The following ALK variants were observed in gnomAD, a reference collection of about 807,000 sequenced individuals.
ALK encodes ALK receptor tyrosine kinase.
ALK carries 74 observed loss-of-function variants against 163.1 expected under a neutral mutation model. The observed-to-expected ratio is 0.45, with a 90% CI of 0.38 to 0.55. The LOEUF is 0.55. ALK is among the 20% of genes least tolerant of loss of function. The pLI is 0.00. For synonymous variants in ALK, 960 were observed against 843.2 expected (o/e 1.14, Z -2.40); for missense variants, 2,063 against 2,105.3 (o/e 0.98, Z 0.39).
At chr2:29,392,932 T>C (rs1320828805) in intron 4 of ALK, among the ~76,000 whole-genome samples, 1 of 152,144 alleles carries the variant, frequency 6.6e-6, no homozygotes, top group Non-Finnish European at 1.5e-5. Context: ...AGGTTCAATG[T>C]TCAAGGTTAC....
intron 26 of ALK, among the ~76,000 whole-genome samples, chr2:29,202,492 CAGAA>C (rs1016687691): frequency 3.3e-5 from 5 of 152,222 alleles, no homozygotes; most frequent in Non-Finnish European, 7.3e-5. Flanking sequence ...GACTTAGAGA[CAGAA>C]AGACCCCACC....
intron 8 of ALK, among the ~76,000 whole-genome samples, chr2:29,313,954 A>G (rs1034073359): frequency 1.2e-4 from 18 of 152,170 alleles, no homozygotes; most frequent in African/African-American, 3.6e-4. Context: ...CAGCAGTCAG[A>G]AAAGTTCCTC....
intron 4 of ALK, among the ~76,000 whole-genome samples, chr2:29,451,565 T>C (rs1486377163): frequency 2.6e-5 from 4 of 152,170 alleles, no homozygotes; most frequent in African/African-American, 9.7e-5. Context: ...CAAACTTCCA[T>C]TGGACATAAC....
intron 9 of ALK, among the ~76,000 whole-genome samples, chr2:29,296,651 G>A (rs989211806): frequency 3.3e-5 from 5 of 152,178 alleles, no homozygotes; most frequent in African/African-American, 9.7e-5. Flanking sequence ...CAGTGGTCCC[G>A]AGACAAGTGT....
chr2:29,307,179 C>A (rs995398426), intron 8 of ALK, among the ~76,000 whole-genome samples: 1 of 152,204 alleles, frequency 6.6e-6, no homozygotes, highest in Non-Finnish European at 1.5e-5. Context: ...CCCTTCAACC[C>A]ACAGAAAATA....
intron 3 of ALK, among the ~76,000 whole-genome samples, chr2:29,690,695 A>G (rs1372496317): frequency 1.3e-5 from 2 of 152,144 alleles, no homozygotes; most frequent in Non-Finnish European, 2.9e-5. Context: ...TCTGAATTGT[A>G]TCTTCCTTAT....
intron 9 of ALK, among the ~76,000 whole-genome samples, chr2:29,287,125 T>C (rs1286112292): frequency 6.6e-6 from 1 of 152,222 alleles, no homozygotes; most frequent in Admixed American, 6.5e-5. Context: ...CCTTGAACGC[T>C]TCTTGTGTGC....
At chr2:29,900,723 T>C (rs1432375849) in intron 1 of ALK, among the ~76,000 whole-genome samples, 1 of 152,158 alleles carries the variant, frequency 6.6e-6, no homozygotes, top group Non-Finnish European at 1.5e-5. Context: ...CTGTGAGAGA[T>C]GAAGGACTTG....
intron 3 of ALK, among the ~76,000 whole-genome samples, chr2:29,574,423 CTTTTGA>C (rs2148192802): frequency 6.6e-6 from 1 of 152,350 alleles, no homozygotes; most frequent in South Asian, 2.1e-4. Context: ...GTGTTCTCTG[CTTTTGA>C]TTTTAAGCCC....
At chr2:29,616,352 C>T (rs1397233688) in intron 3 of ALK, among the ~76,000 whole-genome samples, 1 of 152,126 alleles carries the variant, frequency 6.6e-6, no homozygotes, top group Non-Finnish European at 1.5e-5. Context: ...GGCAGAGCCA[C>T]CAGACGTGTT....
intron 3 of ALK, among the ~76,000 whole-genome samples, chr2:29,588,623 A>G (rs532784002): frequency 3.3e-5 from 5 of 152,328 alleles, no homozygotes; most frequent in Admixed American, 6.5e-5. Flanking sequence ...AACTTTTTCT[A>G]TAAAGGACCA....
At chr2:29,438,897 T>C (rs1168792038) in intron 4 of ALK, among the ~76,000 whole-genome samples, 1 of 152,162 alleles carries the variant, frequency 6.6e-6, no homozygotes, top group Non-Finnish European at 1.5e-5. Flanking sequence ...GCTTGTTCTA[T>C]TATAGATGCC....
intron 4 of ALK, among the ~76,000 whole-genome samples, chr2:29,500,800 T>C (rs1194451797): frequency 6.6e-6 from 1 of 152,186 alleles, no homozygotes; most frequent in Non-Finnish European, 1.5e-5. Flanking sequence ...AGGAGCCCAA[T>C]GCTGCCATTT....
intron 3 of ALK, among the ~76,000 whole-genome samples, chr2:29,626,100 G>T (rs1172623379): frequency 3.3e-5 from 5 of 152,218 alleles, no homozygotes; most frequent in Non-Finnish European, 7.3e-5. Flanking sequence ...GTGTGCTATG[G>T]ACTGAAGGGC....
intron 4 of ALK, among the ~76,000 whole-genome samples, chr2:29,445,906 C>T (rs62131777): frequency 0.27 from 41,055 of 149,306 alleles, 6,958 homozygotes; most frequent in Non-Finnish European, 0.38. Context: ...GAGACCATCC[C>T]GGCTAAAACG....
At chr2:29,347,439 G>T (rs1420046646) in intron 5 of ALK, among the ~76,000 whole-genome samples, 1 of 152,190 alleles carries the variant, frequency 6.6e-6, no homozygotes, top group Non-Finnish European at 1.5e-5. Context: ...TTTGGATGGG[G>T]TGGGGTGTGA....
At chr2:29,328,149 A>G (rs566277663) in intron 6 of ALK, among the ~76,000 whole-genome samples, 267 of 152,332 alleles carry the variant, frequency 1.8e-3, no homozygotes, top group Middle Eastern at 3.4e-3. Flanking sequence ...CTTGACTTAT[A>G]TGACTACGGA....
At chr2:29,627,673 A>G (rs1282766387) in intron 3 of ALK, among the ~76,000 whole-genome samples, 1 of 152,122 alleles carries the variant, frequency 6.6e-6, no homozygotes, top group African/African-American at 2.4e-5. Context: ...TGAAGGGGAG[A>G]TGGGGGTGGG....
chr2:29,508,224 G>C lies in ALK; in HGVS notation c.1154+23691C>G, dbSNP rs562461245. Among the ~76,000 whole-genome samples the C allele has an allele frequency of 4.6e-5, 7 of 152,270 alleles. No individual in the cohort carries two copies. The South Asian group carries it at 1.2e-3, about 27-fold the overall frequency. ...GAAACTGTTCTGGCCTCTAGCTTCAGTTAACATCTGCATGTGGACACCCAA... is the reference window on the plus strand; with the variant it reads ...GAAACTGTTCTGGCCTCTAGCTTCACTTAACATCTGCATGTGGACACCCAA... On this transcript the variant is annotated intron_variant, in intron 4 of 28. Transcript: ENST00000389048.
Sources: allele counts gnomAD v4.1 joint callset (sites outside exome capture counted in the v4.1 genomes callset), GRCh38; gene constraint gnomAD v4.1.1; transcripts MANE v1.5; gene names NCBI Gene and HGNC (gene_info 2026-07-23, HGNC 2026-07-21).